The following RBMS3 variants were observed in gnomAD, a reference collection of about 807,000 sequenced individuals.
RBMS3 encodes RNA binding motif single stranded interacting protein 3.
RBMS3 carries 27 observed loss-of-function variants against 66.8 expected under a neutral mutation model. The observed-to-expected ratio is 0.40, with a 90% CI of 0.30 to 0.56. RBMS3 has a LOEUF of 0.56. Among genes scored for constraint, RBMS3 ranks in the 20% least tolerant of loss-of-function variants. RBMS3 has a pLI of 0.40. For missense variants in RBMS3, 513 were observed against 549.5 expected, an observed-to-expected ratio of 0.93 and a Z score of 0.66; for synonymous variants, 188 against 183.0, an observed-to-expected ratio of 1.03 and a Z score of -0.22.
At chr3:29,478,913 T>C (rs564081115) in intron 2 of RBMS3, among the ~76,000 whole-genome samples, 1 of 152,322 alleles carries the variant, frequency 6.6e-6, no homozygotes, top group Admixed American at 6.5e-5. Flanking sequence ...TTCCAAGGAA[T>C]GTTGGTAATT....
At chr3:29,375,752 G>A (rs1028739945) in intron 1 of RBMS3, among the ~76,000 whole-genome samples, 9 of 152,184 alleles carry the variant, frequency 5.9e-5, no homozygotes, top group Admixed American at 5.9e-4. Context: ...ACATGTTGGT[G>A]AAAGTGTAAA....
intron 4 of RBMS3, among the ~76,000 whole-genome samples, chr3:29,593,865 G>C (rs1008698024): frequency 1.1e-4 from 17 of 152,168 alleles, no homozygotes; most frequent in Non-Finnish European, 1.9e-4. Flanking sequence ...GTTATACAAA[G>C]AGATATAATT....
intron 12 of RBMS3, among the ~76,000 whole-genome samples, chr3:29,987,838 G>C (rs997456433): frequency 1.3e-5 from 2 of 152,174 alleles, no homozygotes; most frequent in African/African-American, 4.8e-5. Flanking sequence ...TTTGTGTTTA[G>C]ATGTGAAATG....
intron 1 of RBMS3, among the ~76,000 whole-genome samples, chr3:29,288,388 G>A (rs1219450156): frequency 1.3e-5 from 2 of 152,004 alleles, no homozygotes; most frequent in Non-Finnish European, 2.9e-5. Flanking sequence ...TGCACTGAGA[G>A]AAACACGTCC....
intron 4 of RBMS3, among the ~76,000 whole-genome samples, chr3:29,652,637 C>G (rs1016883142): frequency 2.0e-5 from 3 of 151,896 alleles, no homozygotes; most frequent in Non-Finnish European, 4.4e-5. Flanking sequence ...CTAAATTGAT[C>G]CATGCAAAAA....
chr3:29,606,256 GT>G (rs893792451), intron 4 of RBMS3, among the ~76,000 whole-genome samples: 2 of 151,806 alleles, frequency 1.3e-5, no homozygotes, highest in African/African-American at 4.8e-5. Context: ...TATGATTGAT[GT>G]TTAAAGACCC....
At chr3:29,545,652 T>G (rs59626572) in intron 3 of RBMS3, among the ~76,000 whole-genome samples, 2,399 of 152,312 alleles carry the variant, frequency 0.016, 58 homozygotes, top group African/African-American at 0.056. Flanking sequence ...TAGGCTCCTC[T>G]CAGTTTGTCT....
At chr3:29,630,460 A>G (rs2049243505) in intron 4 of RBMS3, among the ~76,000 whole-genome samples, 2 of 151,992 alleles carry the variant, frequency 1.3e-5, no homozygotes, top group African/African-American at 4.8e-5. Flanking sequence ...CCCAGTGCCT[A>G]CTACAGTGCC....
chr3:29,282,589 C>T lies in RBMS3; in HGVS notation c.75+833C>T, dbSNP rs1455647438. Among the ~76,000 whole-genome samples, 193 of 152,242 alleles carry T rather than the reference C, an allele frequency of 1.3e-3. 1 individual carries two copies. Among genetic ancestry groups the T allele is most frequent in the Admixed American group, 0.012 (191 of 15,290 alleles). On this transcript the variant is annotated intron_variant, in intron 1 of 14. Transcript: ENST00000383767. ...TCCTGCAGTTAAGACATGAAAGACT[C>T]TCAGGTGTGAAATCACTGCTCCGAT...
At chr3:29,320,133 A>C (rs912636197) in intron 1 of RBMS3, among the ~76,000 whole-genome samples, 1 of 152,084 alleles carries the variant, frequency 6.6e-6, no homozygotes, top group Non-Finnish European at 1.5e-5. Flanking sequence ...CAGGTGAGAC[A>C]TTAAATGGGT....
chr3:29,460,371 A>C (rs530202781), intron 2 of RBMS3, among the ~76,000 whole-genome samples: 1 of 152,324 alleles, frequency 6.6e-6, no homozygotes, highest in Non-Finnish European at 1.5e-5. Flanking sequence ...ATGAAATATT[A>C]ATTTGTTTCA....
chr3:29,758,723 C>G (rs754965380), intron 5 of RBMS3, among the ~76,000 whole-genome samples: 2 of 152,072 alleles, frequency 1.3e-5, no homozygotes, highest in Admixed American at 6.6e-5. Context: ...TTATTCCTTC[C>G]GTTACAATGG....
intron 8 of RBMS3, 87 bp downstream of exon 8, chr3:29,884,295 T>C (rs1173658692): frequency 1.5e-6 from 2 of 1,321,684 alleles, no homozygotes; most frequent in African/African-American, 1.5e-5. Flanking sequence ...AAAATTTGTT[T>C]TGCTTTTGTT....
intron 3 of RBMS3, among the ~76,000 whole-genome samples, chr3:29,522,826 T>C (rs2044915994): frequency 6.6e-6 from 1 of 152,192 alleles, no homozygotes; most frequent in South Asian, 2.1e-4. Context: ...ACTGGTTCTA[T>C]AGACCAACAG....
At chr3:29,920,606 A>AT (rs1293246197) in intron 10 of RBMS3, among the ~76,000 whole-genome samples, 2 of 151,990 alleles carry the variant, frequency 1.3e-5, no homozygotes, top group African/African-American at 2.4e-5. Flanking sequence ...TTGGAATATA[A>AT]TTTTTTTTAA....
intron 12 of RBMS3, among the ~76,000 whole-genome samples, chr3:29,981,331 T>C (rs1697976223): frequency 6.6e-6 from 1 of 152,222 alleles, no homozygotes; most frequent in Non-Finnish European, 1.5e-5. Flanking sequence ...GATTTTGGGC[T>C]GAGACGGTGG....
At chr3:29,592,566 T>C (rs575177910) in intron 4 of RBMS3, among the ~76,000 whole-genome samples, 5 of 152,180 alleles carry the variant, frequency 3.3e-5, no homozygotes, top group African/African-American at 1.2e-4. Flanking sequence ...GGTGAGACTG[T>C]AAACTAGTTC....
chr3:29,837,961 GA>G (rs1297633376), intron 6 of RBMS3, among the ~76,000 whole-genome samples: 5 of 151,396 alleles, frequency 3.3e-5, no homozygotes, highest in African/African-American at 1.2e-4. Context: ...TTATGTTACA[GA>G]GTAGGTTTTT....
chr3:29,796,343 C>G (rs996628401), intron 6 of RBMS3, among the ~76,000 whole-genome samples: 2 of 152,152 alleles, frequency 1.3e-5, no homozygotes, highest in Non-Finnish European at 2.9e-5. Flanking sequence ...GTCTTGAACC[C>G]TTTAATGTCA....
Sources: allele counts gnomAD v4.1 joint callset (sites outside exome capture counted in the v4.1 genomes callset), GRCh38; gene constraint gnomAD v4.1.1; transcripts MANE v1.5; gene names NCBI Gene and HGNC (gene_info 2026-07-23, HGNC 2026-07-21).